VPS54: variants seen among roughly 807,000 people sequenced by gnomAD.
VPS54 encodes the protein vacuolar protein sorting-associated protein 54.
A neutral mutation model predicts 121.5 loss-of-function variants in VPS54; 45 were observed. The observed-to-expected ratio is 0.37, with a 90% CI of 0.29 to 0.47. The LOEUF is 0.47. VPS54 is among the 20% of genes least tolerant of loss of function. VPS54 has a pLI of 0.99. For missense variants in VPS54, 1,090 were observed against 1,131.4 expected (o/e 0.96, Z 0.52); for synonymous variants, 371 against 385.8 (o/e 0.96, Z 0.45).
In VPS54 at chr2:63,899,344, C is replaced by T. The variant is rs541283810; in HGVS notation, c.2733+130G>A. On this transcript the variant is annotated intron_variant, in intron 21 of 22. Coordinates refer to ENST00000272322, the MANE Select transcript of VPS54 (RefSeq NM_016516.3). The stretch of plus-strand genomic sequence containing the variant: ...ATCCATGTTCTACCAGTCAATATAA[C>T]AATGTAAAAAAATGATAATCATATT... The T allele has an allele frequency of 1.8e-5, 13 of 741,162 alleles. No individual in the cohort carries two copies. In the South Asian group the frequency reaches 2.9e-4, roughly 16 times the overall value. The allele number at this position is 741,162 out of a possible 1,614,324, so 45.9% of individuals were successfully genotyped here.
At chr2:63,932,654 A>T (rs889927784) in intron 12 of VPS54, among the ~76,000 whole-genome samples, 4 of 148,848 alleles carry the variant, frequency 2.7e-5, no homozygotes, top group African/African-American at 4.9e-5. Flanking sequence ...TTAAAGTATA[A>T]AAAAAAAAAA....
At chr2:63,965,246 G>A (rs1040102336) in intron 6 of VPS54, among the ~76,000 whole-genome samples, 2 of 152,186 alleles carry the variant, frequency 1.3e-5, no homozygotes, top group African/African-American at 4.8e-5. Flanking sequence ...GGAGGCCAAG[G>A]TGGGCGGATC....
intron 9 of VPS54, 26 bp downstream of exon 9, chr2:63,947,357 T>C: frequency 6.6e-7 from 1 of 1,513,008 alleles, no homozygotes; most frequent in Non-Finnish European, 8.9e-7. Context: ...CAGACCAAAA[T>C]ATGTCAAATA....
intron 16 of VPS54, among the ~76,000 whole-genome samples, chr2:63,916,170 T>A (rs79105121): frequency 0.018 from 2,690 of 152,270 alleles, 34 homozygotes; most frequent in Non-Finnish European, 0.022. Flanking sequence ...TAATCCCCAA[T>A]ATCTTTATTT....
intron 1 of VPS54, among the ~76,000 whole-genome samples, chr2:64,008,089 A>G (rs1001941757): frequency 3.9e-5 from 6 of 152,022 alleles, no homozygotes; most frequent in Non-Finnish European, 7.4e-5. Flanking sequence ...GTAGGCAAAC[A>G]GCAAGAAGCC....
Position 63,930,299 on chromosome 2 carries a change from G to A in VPS54, c.1739+3374C>T, listed in dbSNP as rs187124557. On this transcript the variant is annotated intron_variant, in intron 12 of 22. Coordinates refer to ENST00000272322, the MANE Select transcript of VPS54 (RefSeq NM_016516.3). ...GGCAAACCGAATCCAGCAGCACATC[G>A]AAAAGCTTATCCACCAAGATCAAGT... Among the ~76,000 whole-genome samples the A allele has an allele frequency of 3.0e-3, 452 of 152,020 alleles. 2 individuals are homozygous for A. The highest frequency in any genetic ancestry group is 0.022 in the East Asian group (114 of 5,172).
chr2:63,920,460 T>C lies in VPS54; in HGVS notation c.2037A>G (p.Arg679=). The C allele has an allele frequency of 6.5e-7, 1 of 1,540,570 alleles. No homozygotes were observed. Among genetic ancestry groups the C allele is most frequent in the Non-Finnish European group, 8.7e-7 (1 of 1,147,486 alleles). Reference sequence around the variant, plus strand: ...GGTGATGATACCTGAGCTTGGTTTTTCTCTCTTCATGAAACCTATTTACAA... The same window carrying C: ...GGTGATGATACCTGAGCTTGGTTTTCCTCTCTTCATGAAACCTATTTACAA... The part of the protein sequence containing the change: ...IKFVNRFHEE[R]KTKLSLLLDN... Residue 679 remains arginine (R), a synonymous_variant, in exon 14 of 23, where the codon AGA becomes AGG. Coordinates refer to ENST00000272322, the MANE Select transcript of VPS54 (RefSeq NM_016516.3).
chr2:64,005,599 G>A (rs1678107923), intron 1 of VPS54, among the ~76,000 whole-genome samples: 1 of 152,140 alleles, frequency 6.6e-6, no homozygotes, highest in Admixed American at 6.5e-5. Flanking sequence ...CTAATTAAAG[G>A]AAATGCTAAA....
chr2:63,905,805 C>T (rs1417429094), intron 20 of VPS54, among the ~76,000 whole-genome samples: 3 of 152,066 alleles, frequency 2.0e-5, no homozygotes, highest in Non-Finnish European at 4.4e-5. Flanking sequence ...GTAGGTTTAT[C>T]CTATGAATGC....
intron 4 of VPS54, among the ~76,000 whole-genome samples, chr2:63,971,429 CATG>C (rs1218537239): frequency 6.6e-6 from 1 of 152,232 alleles, no homozygotes; most frequent in Non-Finnish European, 1.5e-5. Context: ...TAAGGTTCTT[CATG>C]ATCTGACCAC....
At chr2:63,969,055 C>T in intron 4 of VPS54, 64 bp from the exon 5 acceptor site, 1 of 1,334,552 alleles carries the variant, frequency 7.5e-7, no homozygotes, top group Non-Finnish European at 1.1e-6. Flanking sequence ...CCGTAAAATA[C>T]ATTTTGACAG....
chr2:63,922,817 T>G (rs1011220577), intron 12 of VPS54, among the ~76,000 whole-genome samples: 1 of 152,146 alleles, frequency 6.6e-6, no homozygotes, highest in African/African-American at 2.4e-5. Flanking sequence ...CCTGAAACAT[T>G]ACTTAAAATT....
At chr2:63,980,524 T>G (rs965507022) in intron 3 of VPS54, among the ~76,000 whole-genome samples, 7 of 152,158 alleles carry the variant, frequency 4.6e-5, no homozygotes, top group African/African-American at 1.7e-4. Flanking sequence ...TGGCTTTGTT[T>G]GGATTGAGAA....
chr2:63,908,882 C>G lies in VPS54; in HGVS notation c.2625+3463G>C, dbSNP rs114005137. On this transcript the variant is annotated intron_variant, in intron 20 of 22. Coordinates refer to ENST00000272322, the MANE Select transcript of VPS54 (RefSeq NM_016516.3). The stretch of plus-strand genomic sequence containing the variant: ...TAATTTGCCCAAGGTCCTTCAATAG[C>G]TAGTATGTGACAGACATGGGATTTG... Among the ~76,000 whole-genome samples, 1,100 of 152,262 alleles carry G rather than the reference C, an allele frequency of 7.2e-3. 3 individuals carry two copies. Among genetic ancestry groups the G allele is most frequent in the Non-Finnish European group, 0.01 (696 of 68,004 alleles).
chr2:64,007,381 G>A (rs962659723), intron 1 of VPS54, among the ~76,000 whole-genome samples: 1 of 152,164 alleles, frequency 6.6e-6, no homozygotes, highest in Non-Finnish European at 1.5e-5. Context: ...TGGAAGTAGA[G>A]TAGACGAGAT....
chr2:63,893,603 G>A, intron 22 of VPS54, 68 bp from the exon 23 acceptor site: 1 of 1,364,086 alleles, frequency 7.3e-7, no homozygotes, highest in South Asian at 1.3e-5. Flanking sequence ...AAGTAACAGT[G>A]CTCACCGAGT....
intron 12 of VPS54, among the ~76,000 whole-genome samples, chr2:63,931,356 C>T (rs1674191984): frequency 6.6e-6 from 1 of 152,168 alleles, no homozygotes; most frequent in Non-Finnish European, 1.5e-5. Context: ...TACCACACAT[C>T]TACAACCATC....
At chr2:63,966,821 ACT>A (rs965126022) in intron 5 of VPS54, among the ~76,000 whole-genome samples, 1 of 151,856 alleles carries the variant, frequency 6.6e-6, no homozygotes, top group Non-Finnish European at 1.5e-5. Flanking sequence ...TCTCTTCCAT[ACT>A]CTTATTCTTT....
chr2:64,018,786 T>A (rs1346665076), intron 1 of VPS54, among the ~76,000 whole-genome samples, 152 bp downstream of exon 1: 1 of 140,980 alleles, frequency 7.1e-6, no homozygotes, highest in Non-Finnish European at 1.5e-5. Context: ...GAGAGGAGCA[T>A]GGAAGCTTCA....
Sources: gnomAD v4.1 joint callset for allele counts (sites outside exome capture counted in the v4.1 genomes callset) on GRCh38, gnomAD v4.1.1 for gene constraint, MANE v1.5 for transcripts, NCBI Gene and HGNC (gene_info 2026-07-23, HGNC 2026-07-21) for gene names.